The following THRB variants were observed in gnomAD, a reference collection of about 807,000 sequenced individuals.
THRB encodes nuclear receptor subfamily 1 group A member 2.
Under a neutral mutation model 47.8 loss-of-function variants are expected in THRB, and 12 were observed. The ratio of observed to expected loss-of-function variants is 0.25; its 90% CI spans 0.16 to 0.41. THRB has a LOEUF of 0.41. Among genes scored for constraint, THRB ranks in the 10% least tolerant of loss-of-function variants. THRB has a pLI of 1.00. For missense variants in THRB, 348 were observed against 589.2 expected, an observed-to-expected ratio of 0.59 and a Z score of 4.24; for synonymous variants, 218 against 212.2, an observed-to-expected ratio of 1.03 and a Z score of -0.24.
chr3:24,233,816 G>C (rs7641934), intron 3 of THRB, among the ~76,000 whole-genome samples: 2 of 152,034 alleles, frequency 1.3e-5, no homozygotes, highest in Non-Finnish European at 2.9e-5. Context: ...CAGAGTGCAG[G>C]CATGTTCAGT....
At chr3:24,307,296 A>T (rs78155686) in intron 2 of THRB, among the ~76,000 whole-genome samples, 1,674 of 136,048 alleles carry the variant, frequency 0.012, 38 homozygotes, top group African/African-American at 0.042. Flanking sequence ...CTCTTTGGAG[A>T]AAAAATTTAA....
Position 24,270,517 on chromosome 3 carries a change from G to A in THRB, c.-43+26709C>T, listed in dbSNP as rs140295563. On this transcript the variant is annotated intron_variant, in intron 3 of 10. Coordinates refer to ENST00000646209, the MANE Select transcript of THRB (RefSeq NM_001354712.2). ...AACATTATGAGCACCTATCTATAAT[G>A]CCATTACTCAGACTGGCTAGAAATT... Among the ~76,000 whole-genome samples, 361 of 152,342 alleles carry A rather than the reference G, an allele frequency of 2.4e-3. 1 individual carries two copies. The highest frequency in any genetic ancestry group is 6.8e-3 in the Middle Eastern group (2 of 294).
intron 5 of THRB, among the ~76,000 whole-genome samples, chr3:24,156,645 G>A (rs532354290): frequency 9.2e-5 from 14 of 152,302 alleles, no homozygotes; most frequent in Non-Finnish European, 2.1e-4. Flanking sequence ...CCATGTTGCT[G>A]ATTCATCTTG....
chr3:24,141,624 G>A (rs1449871), intron 8 of THRB, among the ~76,000 whole-genome samples: 58,303 of 152,098 alleles, frequency 0.38, 12,872 homozygotes, highest in African/African-American at 0.61. Context: ...CTTAAATAAA[G>A]GAACAAATCT....
chr3:24,433,078 C>T (rs1038464591), intron 1 of THRB, among the ~76,000 whole-genome samples: 24 of 152,182 alleles, frequency 1.6e-4, no homozygotes, highest in African/African-American at 5.5e-4. Flanking sequence ...GAATGAATGA[C>T]TCTGCTTCTC....
intron 3 of THRB, among the ~76,000 whole-genome samples, chr3:24,256,989 C>A (rs2051354935): frequency 6.6e-6 from 1 of 151,988 alleles, no homozygotes; most frequent in Non-Finnish European, 1.5e-5. Flanking sequence ...GCAGGACTGG[C>A]AAAAGCCCTT....
intron 1 of THRB, among the ~76,000 whole-genome samples, chr3:24,376,401 T>C (rs1416633422): frequency 6.6e-6 from 1 of 152,090 alleles, no homozygotes; most frequent in Non-Finnish European, 1.5e-5. Context: ...GCAGATATGG[T>C]AGGAATTTGT....
At chr3:24,358,679 T>C (rs1394968230) in intron 1 of THRB, among the ~76,000 whole-genome samples, 1 of 152,156 alleles carries the variant, frequency 6.6e-6, no homozygotes, top group East Asian at 1.9e-4. Flanking sequence ...CCTTGATTTA[T>C]AGTGTATTTT....
intron 5 of THRB, among the ~76,000 whole-genome samples, chr3:24,167,518 G>A (rs2039805430): frequency 6.6e-6 from 1 of 152,026 alleles, no homozygotes; most frequent in Non-Finnish European, 1.5e-5. Flanking sequence ...GAAAACCCCA[G>A]GAAAAAGGAT....
At chr3:24,195,947 G>A (rs2043905995) in intron 4 of THRB, among the ~76,000 whole-genome samples, 1 of 152,160 alleles carries the variant, frequency 6.6e-6, no homozygotes, top group African/African-American at 2.4e-5. Flanking sequence ...GAACTGTTTT[G>A]TCTGTCCTCA....
At chr3:24,260,738 A>G (rs1039186075) in intron 3 of THRB, among the ~76,000 whole-genome samples, 7 of 152,134 alleles carry the variant, frequency 4.6e-5, no homozygotes, top group African/African-American at 1.4e-4. Flanking sequence ...ATCTCCAACA[A>G]CTTCCCTCCA....
chr3:24,217,060 CTT>C (rs2046637592), intron 4 of THRB, among the ~76,000 whole-genome samples: 1 of 149,230 alleles, frequency 6.7e-6, no homozygotes, highest in African/African-American at 2.4e-5. Flanking sequence ...GAATTACACT[CTT>C]ATAATATTAA....
chr3:24,320,821 G>T (rs1266024160), intron 2 of THRB, among the ~76,000 whole-genome samples: 1 of 152,050 alleles, frequency 6.6e-6, no homozygotes, highest in East Asian at 1.9e-4. Flanking sequence ...TGCAATCTTG[G>T]ACTTGAGGCC....
At chr3:24,441,267 G>A (rs138873040) in intron 1 of THRB, among the ~76,000 whole-genome samples, 16 of 152,266 alleles carry the variant, frequency 1.1e-4, no homozygotes, top group African/African-American at 3.1e-4. Context: ...AGTCAAGGGC[G>A]TGATTATCAT....
chr3:24,240,984 C>T (rs558101535), intron 3 of THRB, among the ~76,000 whole-genome samples: 6 of 152,220 alleles, frequency 3.9e-5, no homozygotes, highest in South Asian at 4.1e-4. Context: ...TTCCAGTGAA[C>T]GGCAGCTTAC....
chr3:24,283,121 A>T (rs1257036027), intron 3 of THRB, among the ~76,000 whole-genome samples: 5 of 151,508 alleles, frequency 3.3e-5, no homozygotes, highest in African/African-American at 1.2e-4. Flanking sequence ...CCGGGCAGAG[A>T]CACAACCAAA....
At chr3:24,280,390 G>A (rs531701593) in intron 3 of THRB, among the ~76,000 whole-genome samples, 5 of 152,160 alleles carry the variant, frequency 3.3e-5, no homozygotes, top group Admixed American at 6.5e-5. Flanking sequence ...TCTGTTAGAA[G>A]GAAAACTAAC....
chr3:24,139,564 T>C (rs1156677101), intron 8 of THRB, among the ~76,000 whole-genome samples: 3 of 152,080 alleles, frequency 2.0e-5, no homozygotes, highest in African/African-American at 7.2e-5. Context: ...TTGTTTATTT[T>C]TTGTAGAGAT....
At chr3:24,375,443 T>C (rs1045231205) in intron 1 of THRB, among the ~76,000 whole-genome samples, 30 of 144,576 alleles carry the variant, frequency 2.1e-4, no homozygotes, top group African/African-American at 6.2e-4. Context: ...ATAATATTAA[T>C]ATATTATAGT....
Sources: allele counts gnomAD v4.1 joint callset (sites outside exome capture counted in the v4.1 genomes callset), GRCh38; gene constraint gnomAD v4.1.1; transcripts MANE v1.5; gene names NCBI Gene and HGNC (gene_info 2026-07-23, HGNC 2026-07-21).